ADCY8: variants seen among roughly 807,000 people sequenced by gnomAD.
The protein encoded by ADCY8 is adenylate cyclase 8.
A neutral mutation model predicts 119.7 loss-of-function variants in ADCY8; 51 were observed. That is an observed-to-expected ratio of 0.43 (90% CI 0.34 to 0.54). The LOEUF (loss-of-function observed/expected upper bound fraction) is 0.54, where lower values mean the gene tolerates loss of function less well. Among genes scored for constraint, ADCY8 ranks in the 20% least tolerant of loss-of-function variants. The pLI is 0.03. For missense variants in ADCY8, 1,383 were observed against 1,598.8 expected (o/e 0.87, Z 2.30); for synonymous variants, 665 against 651.0 (o/e 1.02, Z -0.33).
At chr8:130,857,424 T>C (rs1817780908) in intron 9 of ADCY8, among the ~76,000 whole-genome samples, 2 of 152,196 alleles carry the variant, frequency 1.3e-5, no homozygotes, top group Admixed American at 1.3e-4. Context: ...CTTTTAAATC[T>C]TAAAATCTGT....
chr8:130,881,750 T>C (rs562081567), intron 8 of ADCY8, among the ~76,000 whole-genome samples: 2 of 152,278 alleles, frequency 1.3e-5, no homozygotes, highest in East Asian at 3.9e-4. Flanking sequence ...AGGGGAATCC[T>C]AAAATCTTGA....
rs750243368 is a variant in ADCY8, at chr8:131,020,905, T to A, written c.960+18469A>T. 7.8e-4 allele frequency among the ~76,000 whole-genome samples: 119 copies of A among 152,180 alleles called. 1 individual carries two copies. Among genetic ancestry groups the A allele is most frequent in the Non-Finnish European group, 3.2e-4 (22 of 68,026 alleles). Reference sequence around the variant, plus strand: ...GTTGCCTGGTATTTATTATGTGCTATAAATTATACATCAGATGACATGACA... The same window carrying A: ...GTTGCCTGGTATTTATTATGTGCTAAAAATTATACATCAGATGACATGACA... On this transcript the variant is annotated intron_variant, in intron 1 of 17. Coordinates refer to ENST00000286355, the MANE Select transcript of ADCY8 (RefSeq NM_001115.3).
intron 2 of ADCY8, among the ~76,000 whole-genome samples, chr8:130,952,229 G>A (rs1563742556): frequency 6.6e-6 from 1 of 152,166 alleles, no homozygotes; most frequent in Non-Finnish European, 1.5e-5. Context: ...TGACTCTGGT[G>A]GAGCTTACAT....
chr8:130,942,460 A>G (rs1397091370), intron 4 of ADCY8, among the ~76,000 whole-genome samples: 1 of 152,344 alleles, frequency 6.6e-6, no homozygotes, highest in East Asian at 1.9e-4. Flanking sequence ...ACTTAATTCC[A>G]GGAAGGGAGG....
chr8:130,820,900 T>A (rs1816489344), intron 13 of ADCY8, among the ~76,000 whole-genome samples: 1 of 152,180 alleles, frequency 6.6e-6, no homozygotes. Context: ...TATTTTAGAG[T>A]TGAGGAAACT....
At chr8:130,931,220 T>C (rs944266838) in intron 5 of ADCY8, among the ~76,000 whole-genome samples, 1 of 152,176 alleles carries the variant, frequency 6.6e-6, no homozygotes, top group African/African-American at 2.4e-5. Flanking sequence ...TATTTTTGTC[T>C]GGCAGGTTTC....
At chr8:131,009,235 C>A (rs887570269) in intron 1 of ADCY8, among the ~76,000 whole-genome samples, 3 of 152,182 alleles carry the variant, frequency 2.0e-5, no homozygotes, top group Non-Finnish European at 4.4e-5. Flanking sequence ...CCAGGAGGAA[C>A]AAATGGTTTC....
chr8:130,963,563 C>T (rs1821671728), intron 2 of ADCY8, among the ~76,000 whole-genome samples: 1 of 152,164 alleles, frequency 6.6e-6, no homozygotes. Context: ...TAGAGTTGAA[C>T]AAGGCAGACA....
At chr8:130,802,105 G>T (rs1264711833) in intron 14 of ADCY8, among the ~76,000 whole-genome samples, 2 of 151,898 alleles carry the variant, frequency 1.3e-5, no homozygotes, top group East Asian at 1.9e-4. Flanking sequence ...ATGCTTGGTT[G>T]CCCTCACCCT....
chr8:130,998,589 C>T (rs1056649521), intron 1 of ADCY8, among the ~76,000 whole-genome samples: 2 of 152,138 alleles, frequency 1.3e-5, no homozygotes, highest in African/African-American at 4.8e-5. Context: ...GAAACATGAC[C>T]TACCATCTGT....
At chr8:130,998,245 A>C (rs1451639409) in intron 1 of ADCY8, among the ~76,000 whole-genome samples, 3 of 152,172 alleles carry the variant, frequency 2.0e-5, no homozygotes, top group African/African-American at 7.2e-5. Flanking sequence ...AAGTGATGGC[A>C]CAGGAATAAG....
In ADCY8 at chr8:130,836,331, T is replaced by C. The variant is rs762807268; in HGVS notation, c.2621A>G (p.Glu874Gly). 6.2e-7 allele frequency: 1 copy of C among 1,613,918 alleles called. No individual in the cohort carries two copies. Among genetic ancestry groups the C allele is most frequent in the Non-Finnish European group, 8.5e-7 (1 of 1,179,880 alleles). ...CAGAAAGAGGCCTGCGTAGACGGTC[T>C]CAGTGAGCAGGGCATAGATGGCAAT... is the stretch of plus-strand genomic sequence containing the variant. ...IMIAIYALLT[E>G]TVYAGLFLRY... The change falls in exon 12 of 18, where the codon GAG (glutamate) becomes GGG (glycine). Residue 874 changes from glutamate to glycine, a missense_variant. Glu to Gly is a moderately conservative substitution (Grantham distance 98, BLOSUM62 -2). Around this residue, in one of 2 missense-constraint regions of ADCY8, gnomAD observed 928 missense variants for 1,163.5 expected, o/e 0.80. Coordinates refer to ENST00000286355, the MANE Select transcript of ADCY8 (RefSeq NM_001115.3).
At position 130,840,837 on chromosome 8, in the gene ADCY8, G is replaced by A. The variant is rs180995690; in HGVS notation, c.2503-4388C>T. Among the ~76,000 whole-genome samples, 574 of 152,246 alleles carry A rather than the reference G, an allele frequency of 3.8e-3. 3 individuals carry two copies. Among genetic ancestry groups the A allele is most frequent in the South Asian group, 0.021 (99 of 4,826 alleles). Reference sequence around the variant, plus strand: ...TAATGCCAAGATTTGTATGAGAAATGTTAGGTAGTGAGCAAAGTTCCCAGC... The same window carrying A: ...TAATGCCAAGATTTGTATGAGAAATATTAGGTAGTGAGCAAAGTTCCCAGC... On this transcript the variant is annotated intron_variant, in intron 11 of 17. Coordinates refer to ENST00000286355, the MANE Select transcript of ADCY8 (RefSeq NM_001115.3).
chr8:130,980,154 T>A (rs1391536604), intron 2 of ADCY8, among the ~76,000 whole-genome samples: 1 of 152,154 alleles, frequency 6.6e-6, no homozygotes, highest in Non-Finnish European at 1.5e-5. Context: ...CTTTTGTGCG[T>A]TTCCTGCTCC....
chr8:130,940,817 A>G (rs1820933344), intron 4 of ADCY8, among the ~76,000 whole-genome samples: 2 of 152,204 alleles, frequency 1.3e-5, no homozygotes, highest in Non-Finnish European at 2.9e-5. Flanking sequence ...TGACTTTGAC[A>G]TTATCAAAAT....
intron 15 of ADCY8, among the ~76,000 whole-genome samples, chr8:130,793,311 C>T (rs914801995): frequency 2.0e-5 from 3 of 152,088 alleles, no homozygotes; most frequent in African/African-American, 4.8e-5. Flanking sequence ...TCACCCAGGT[C>T]GGGGGATTTT....
intron 12 of ADCY8, among the ~76,000 whole-genome samples, chr8:130,827,488 A>C (rs1003072549): frequency 7.2e-5 from 11 of 152,214 alleles, no homozygotes; most frequent in African/African-American, 2.7e-4. Flanking sequence ...GAGCCTATGT[A>C]AATCAGACAC....
chr8:130,994,052 G>A (rs772871878), intron 1 of ADCY8, among the ~76,000 whole-genome samples: 1 of 152,118 alleles, frequency 6.6e-6, no homozygotes, highest in Non-Finnish European at 1.5e-5. Flanking sequence ...AGCTGATTTG[G>A]GCACATGGAT....
intron 6 of ADCY8, among the ~76,000 whole-genome samples, chr8:130,906,040 G>T (rs1254311943): frequency 6.6e-6 from 1 of 152,158 alleles, no homozygotes; most frequent in African/African-American, 2.4e-5. Flanking sequence ...GATACTTCAT[G>T]TTCTCCACAT....
Sources: allele counts gnomAD v4.1 joint callset (sites outside exome capture counted in the v4.1 genomes callset), GRCh38; gene constraint gnomAD v4.1.1; regional missense constraint gnomAD v4.1.1; transcripts MANE v1.5; gene names NCBI Gene and HGNC (gene_info 2026-07-23, HGNC 2026-07-21).